Variants in STAT4 observed in about 807,000 individuals in gnomAD.
STAT4 encodes the protein signal transducer and activator of transcription 4.
Under a neutral mutation model 110.5 loss-of-function variants are expected in STAT4, and 42 were observed. That is an observed-to-expected ratio of 0.38 (90% CI 0.30 to 0.49). The LOEUF (loss-of-function observed/expected upper bound fraction) is 0.49, where lower values mean the gene tolerates loss of function less well. Ranked by LOEUF, STAT4 falls within the 20% of genes least tolerant of loss-of-function variation. The probability of loss-of-function intolerance (pLI) is 0.95; values close to 1 mark genes in which losing one functional copy is unlikely to be tolerated. For missense variants in STAT4, 632 were observed against 887.9 expected (o/e 0.71, Z 3.66); for synonymous variants, 284 against 302.2 (o/e 0.94, Z 0.63).
intron 3 of STAT4, among the ~76,000 whole-genome samples, chr2:191,103,809 G>A (rs1384275719): frequency 6.6e-6 from 1 of 151,492 alleles, no homozygotes; most frequent in Non-Finnish European, 1.5e-5. Context: ...TTAATTCTTT[G>A]ACTTTTAAAA....
rs760838458 is a variant in STAT4 at position 191,138,030 on chromosome 2, C to A, written c.273+8583G>T. Among the ~76,000 whole-genome samples the A allele has an allele frequency of 5.9e-5, 9 of 152,134 alleles. No homozygotes were observed. Among genetic ancestry groups the A allele is most frequent in the Non-Finnish European group, 1.2e-4 (8 of 68,006 alleles). On this transcript the variant is annotated intron_variant, in intron 3 of 23. Transcript: ENST00000392320. The surrounding 1 kb of genome is among the most constrained non-coding windows in gnomAD (Gnocchi z 4.3). ...AATAGAACTACATTAAACTAAAAAG[C>A]TTCTGCACAGCAAAGGAAACAATCA...
At chr2:191,081,803 T>C (rs973024612) in intron 3 of STAT4, among the ~76,000 whole-genome samples, 2 of 152,204 alleles carry the variant, frequency 1.3e-5, no homozygotes, top group Non-Finnish European at 2.9e-5. Context: ...TTCATAATCC[T>C]GGACTCCTTG....
rs1031082346 is a variant in STAT4 at position 191,051,164 on chromosome 2, G to A, written c.1251+3326C>T. The stretch of plus-strand genomic sequence containing the variant: ...TTTCAAGGAACTGGAGCTGGAAGAG[G>A]GAAGTGCCAGGGTCCCCTGAAAGGG... On this transcript the variant is annotated intron_variant, in intron 14 of 23. Transcript: ENST00000392320. The surrounding 1 kb of genome is among the most constrained non-coding windows in gnomAD (Gnocchi z 5.6). Among the ~76,000 whole-genome samples the A allele has an allele frequency of 6.6e-6, 1 of 152,204 alleles. No individual in the cohort carries two copies. The highest frequency in any genetic ancestry group is 1.5e-5 in the Non-Finnish European group (1 of 68,034).
intron 8 of STAT4, among the ~76,000 whole-genome samples, chr2:191,063,796 T>C (rs1040915208): frequency 9.2e-5 from 14 of 152,228 alleles, no homozygotes; most frequent in African/African-American, 3.4e-4. Context: ...AATCAAAGTG[T>C]CTTCCCAAGG....
intron 3 of STAT4, among the ~76,000 whole-genome samples, chr2:191,100,677 C>T (rs1349932480): frequency 2.0e-5 from 3 of 151,892 alleles, no homozygotes; most frequent in Non-Finnish European, 4.4e-5. Context: ...TCATTTGGAG[C>T]TAATTAGTCA....
At chr2:191,075,170 C>CA (rs137958077) in intron 4 of STAT4, among the ~76,000 whole-genome samples, 16,771 of 146,750 alleles carry the variant, frequency 0.11, 1,146 homozygotes, top group East Asian at 0.26. Flanking sequence ...AAAAACAAAA[C>CA]AAAAAAAAAA....
At chr2:191,131,633 G>A (rs1276203946) in intron 3 of STAT4, 2 of 562,590 alleles carry the variant, frequency 3.6e-6, no homozygotes, top group Middle Eastern at 5.4e-4. Context: ...GCAGAGTGGT[G>A]TCAGGGAGGA....
chr2:191,034,681 C>T (rs555308311), intron 17 of STAT4, 84 bp from the exon 18 acceptor site: 1 of 990,534 alleles, frequency 1.0e-6, no homozygotes, highest in East Asian at 2.4e-5. Context: ...TTTGCCTCTT[C>T]CCTTTCAAGC....
chr2:191,136,867 G>T lies in STAT4; in HGVS notation c.273+9746C>A, dbSNP rs187950641. Among the ~76,000 whole-genome samples, 376 of 152,088 alleles carry T rather than the reference G, an allele frequency of 2.5e-3. 2 individuals are homozygous for T. Among genetic ancestry groups the T allele is most frequent in the Non-Finnish European group, 4.3e-3 (293 of 68,010 alleles). On this transcript the variant is annotated intron_variant, in intron 3 of 23. Coordinates refer to ENST00000392320, the MANE Select transcript of STAT4 (RefSeq NM_003151.4). ...ATAAATAGGTTCAGTAAAGTTGCAG[G>T]ATACAAAATTAACATACAAAAATCA... is the stretch of plus-strand genomic sequence containing the variant.
rs1696261601 is a variant in STAT4 at position 191,043,433 on chromosome 2, A to G, written c.1252-2285T>C. 6.6e-6 allele frequency among the ~76,000 whole-genome samples: 1 copy of G among 152,230 alleles called. No homozygotes were observed. The highest frequency in any genetic ancestry group is 1.5e-5 in the Non-Finnish European group (1 of 68,038). ...AAATGGAGTAGAGGAAATGTCAAAG[A>G]CATAAACAAATTGTAATTCTTATAT... On this transcript the variant is annotated intron_variant, in intron 14 of 23. Coordinates refer to ENST00000392320, the MANE Select transcript of STAT4 (RefSeq NM_003151.4). The surrounding 1 kb of genome is among the most constrained non-coding windows in gnomAD (Gnocchi z 4.8).
Position 191,032,195 on chromosome 2 carries a change from A to C in STAT4, c.2045-679T>G, listed in dbSNP as rs1695915031. ...AGAGGGCATGAAGTCAGGTGGCTGC[A>C]AGTCTGTGAGTGACAACTGTAGGAT... On this transcript the variant is annotated intron_variant, in intron 21 of 23. Transcript: ENST00000392320. This position sits in a 1 kb window ranked among gnomAD's most constrained non-coding sequence, Gnocchi z 4.9. 1 of 152,294 alleles carries C rather than the reference A, an allele frequency of 6.6e-6. No individual in the cohort carries two copies. Among genetic ancestry groups the C allele is most frequent in the South Asian group, 2.1e-4 (1 of 4,838 alleles). The allele number at this position is 152,294 out of a possible 1,614,324, so 9.4% of individuals were successfully genotyped here. A position where few individuals can be genotyped will look rare whatever the true frequency, so the allele number is the denominator to read the frequency against.
Position 191,066,848 on chromosome 2 carries a change from C to G in STAT4, c.545-333G>C, listed in dbSNP as rs758440329. Among the ~76,000 whole-genome samples the G allele has an allele frequency of 1.3e-5, 2 of 152,030 alleles. No individual in the cohort carries two copies. Among genetic ancestry groups the G allele is most frequent in the African/African-American group, 2.4e-5 (1 of 41,374 alleles). ...TATATACCTCCACATTAATTATATA[C>G]TTGGTTATTTGGTAAAAGTAAGGAA... On this transcript the variant is annotated intron_variant, in intron 6 of 23. Coordinates refer to ENST00000392320, the MANE Select transcript of STAT4 (RefSeq NM_003151.4). The surrounding 1 kb of genome is among the most constrained non-coding windows in gnomAD (Gnocchi z 4.3).
chr2:191,092,343 G>A (rs1035527730), intron 3 of STAT4, among the ~76,000 whole-genome samples: 1 of 152,148 alleles, frequency 6.6e-6, no homozygotes, highest in Non-Finnish European at 1.5e-5. Flanking sequence ...GGTGGAGGTT[G>A]CAGTGAGCTG....
At chr2:191,063,634 C>CTAA (rs1559050193) in intron 8 of STAT4, among the ~76,000 whole-genome samples, 2,134 of 152,302 alleles carry the variant, frequency 0.014, 53 homozygotes, top group African/African-American at 0.049. Flanking sequence ...CCTCGCCATA[C>CTAA]AGTAACTCTT....
chr2:191,037,912 G>A lies in STAT4; in HGVS notation c.1434+1287C>T, dbSNP rs1696085374. Among the ~76,000 whole-genome samples, 1 of 152,184 alleles carries A rather than the reference G, an allele frequency of 6.6e-6. No individual in the cohort carries two copies. The highest frequency in any genetic ancestry group is 1.5e-5 in the Non-Finnish European group (1 of 68,040). On this transcript the variant is annotated intron_variant, in intron 16 of 23. Transcript: ENST00000392320. The surrounding 1 kb of genome is among the most constrained non-coding windows in gnomAD (Gnocchi z 4.8). ...TTAAGAGGAGAAACCAGGATTAGTT[G>A]TTTAGACTGGTTCTGTAACTAGGCT... is the stretch of plus-strand genomic sequence containing the variant.
rs1394096459 is a variant in STAT4, at chr2:191,066,441, A to G, written c.619T>C (p.Phe207Leu). The G allele has an allele frequency of 6.2e-7, 1 of 1,613,352 alleles. No individual in the cohort carries two copies. The highest frequency in any genetic ancestry group is 1.1e-5 in the South Asian group (1 of 91,076). The change falls in exon 7 of 24, where the codon TTC becomes CTC. Residue 207 changes from phenylalanine (F) to leucine (L), a missense_variant. Phe to Leu is a conservative substitution (Grantham distance 22). This residue lies in a region of STAT4 where 488 missense variants were observed against 632.8 expected (regional missense o/e 0.77). Transcript: ENST00000392320. This position sits in a 1 kb window ranked among gnomAD's most constrained non-coding sequence, Gnocchi z 4.3. ...AATTCTTCACTAACCTTTCTCTTGA[A>G]ATCGAGGCTGTTAAGCATTTCCTGC... The part of the protein sequence containing the change: ...TLQEMLNSLD[F>L]KRKEALSKMT...
At position 191,033,770 on chromosome 2, in the gene STAT4, C is replaced by T. The variant is rs2125142478; in HGVS notation, c.1715+141G>A. 1 of 1,331,662 alleles carries T rather than the reference C, an allele frequency of 7.5e-7. No homozygotes were observed. Among genetic ancestry groups the T allele is most frequent in the Non-Finnish European group, 1.0e-6 (1 of 973,700 alleles). 82.5% of individuals were successfully genotyped at this position (1,331,662 alleles called of 1,614,324 possible). A position where few individuals can be genotyped will look rare whatever the true frequency, so the allele number is the denominator to read the frequency against. ...ATATATAGATTAATATACATAGTGC[C>T]ACTCCACAAAGAATAAGAAATTGCA... On this transcript the variant is annotated intron_variant, in intron 19 of 23. Coordinates refer to ENST00000392320, the MANE Select transcript of STAT4 (RefSeq NM_003151.4). The surrounding 1 kb of genome is among the most constrained non-coding windows in gnomAD (Gnocchi z 6.9).
intron 14 of STAT4, chr2:191,041,748 G>A (rs1696204512): frequency 6.6e-6 from 1 of 152,276 alleles, no homozygotes; most frequent in Non-Finnish European, 1.5e-5. Context: ...GAGGTTGAAA[G>A]CACTGAGCTC....
At chr2:191,088,812 C>T (rs950855087) in intron 3 of STAT4, among the ~76,000 whole-genome samples, 3 of 152,132 alleles carry the variant, frequency 2.0e-5, no homozygotes, top group African/African-American at 7.2e-5. Context: ...AGGGCAAATG[C>T]GACACAACAG....
Sources: gnomAD v4.1 joint callset for allele counts (sites outside exome capture counted in the v4.1 genomes callset) on GRCh38, gnomAD v4.1.1 for gene constraint, gnomAD v4.1.1 regional missense constraint, Gnocchi (gnomAD v3.1) non-coding constraint, MANE v1.5 for transcripts, NCBI Gene and HGNC (gene_info 2026-07-23, HGNC 2026-07-21) for gene names.